GSTCD: variants seen among roughly 807,000 people sequenced by gnomAD.
The protein encoded by GSTCD is glutathione S-transferase C-terminal domain-containing protein.
GSTCD carries 44 observed loss-of-function variants against 68.3 expected under a neutral mutation model. The ratio of observed to expected loss-of-function variants is 0.64; its 90% confidence interval spans 0.51 to 0.83. GSTCD has a LOEUF of 0.83. GSTCD is among the 40% of genes least tolerant of loss of function. The probability of loss-of-function intolerance (pLI) is 0.00; values close to 1 mark genes in which losing one functional copy is unlikely to be tolerated. For synonymous variants in GSTCD, 273 were observed against 255.2 expected, an observed-to-expected ratio of 1.07 and a Z score of -0.67; for missense variants, 739 against 735.9, an observed-to-expected ratio of 1.00 and a Z score of -0.05.
At chr4:105,792,427 A>G (rs768587358) in intron 5 of GSTCD, among the ~76,000 whole-genome samples, 3 of 152,098 alleles carry the variant, frequency 2.0e-5, no homozygotes, top group Non-Finnish European at 4.4e-5. Context: ...GGGAGGAAGA[A>G]AAACAAGCCA....
intron 10 of GSTCD, among the ~76,000 whole-genome samples, chr4:105,839,164 A>G (rs555984273): frequency 3.3e-5 from 5 of 152,184 alleles, no homozygotes; most frequent in African/African-American, 1.2e-4. Context: ...TTTAGTGTTC[A>G]TGCTTTCAGC....
intron 5 of GSTCD, among the ~76,000 whole-genome samples, chr4:105,773,980 G>T (rs1390129498): frequency 6.6e-6 from 1 of 152,196 alleles, no homozygotes; most frequent in Non-Finnish European, 1.5e-5. Flanking sequence ...CTATTATTGT[G>T]TGGGAGTCTC....
intron 5 of GSTCD, chr4:105,821,258 A>C (rs1254709899): frequency 6.6e-6 from 1 of 151,916 alleles, no homozygotes; most frequent in African/African-American, 2.4e-5. Context: ...AAGTATGATA[A>C]ATCAAGTATA....
chr4:105,758,362 G>T (rs1734273620), intron 5 of GSTCD, among the ~76,000 whole-genome samples: 1 of 152,162 alleles, frequency 6.6e-6, no homozygotes, highest in African/African-American at 2.4e-5. Context: ...GGGGCCTGGT[G>T]GGAGGCGTTT....
At chr4:105,779,154 G>GT (rs1330863938) in intron 5 of GSTCD, among the ~76,000 whole-genome samples, 3 of 152,042 alleles carry the variant, frequency 2.0e-5, no homozygotes, top group African/African-American at 4.8e-5. Flanking sequence ...CCATATTTAT[G>GT]TTTTACATGT....
chr4:105,782,115 A>G, intron 5 of GSTCD, among the ~76,000 whole-genome samples: 1 of 152,196 alleles, frequency 6.6e-6, no homozygotes, highest in East Asian at 1.9e-4. Flanking sequence ...AAACTAAGCA[A>G]TGTTCTGGTT....
intron 5 of GSTCD, among the ~76,000 whole-genome samples, chr4:105,732,786 A>T (rs904706775): frequency 6.6e-6 from 1 of 151,858 alleles, no homozygotes; most frequent in African/African-American, 2.4e-5. Flanking sequence ...TGATGTTAGG[A>T]TGTCAATTTT....
In GSTCD at chr4:105,726,175, A is replaced by G. The variant is rs1384063735; in HGVS notation, c.895-404A>G. Reference sequence around the variant, plus strand: ...AGTAAGCAAAATATAGTATATCCACACAATGACTACTAGTCATAATAAAAA... The same window carrying G: ...AGTAAGCAAAATATAGTATATCCACGCAATGACTACTAGTCATAATAAAAA... On this transcript the variant is annotated intron_variant, in intron 3 of 11. Transcript: ENST00000515279. Among the ~76,000 whole-genome samples, 4 of 152,218 alleles carry G rather than the reference A, an allele frequency of 2.6e-5. No individual in the cohort carries two copies. In the East Asian group the frequency reaches 7.7e-4, roughly 29 times the overall value.
chr4:105,816,005 T>G (rs559792191), intron 5 of GSTCD, among the ~76,000 whole-genome samples: 1 of 152,282 alleles, frequency 6.6e-6, no homozygotes, highest in African/African-American at 2.4e-5. Context: ...ATTAAATTTT[T>G]TTTTTCATCT....
chr4:105,733,067 T>C (rs1733312352), intron 5 of GSTCD, among the ~76,000 whole-genome samples: 1 of 152,214 alleles, frequency 6.6e-6, no homozygotes, highest in Non-Finnish European at 1.5e-5. Flanking sequence ...TTGTTATAAT[T>C]TCTGTTCTTT....
chr4:105,716,254 C>T (rs74340800), intron 1 of GSTCD, among the ~76,000 whole-genome samples: 1,556 of 151,912 alleles, frequency 0.01, 32 homozygotes, highest in African/African-American at 0.035. Flanking sequence ...TTTCAGGGAG[C>T]GTGGGGATTG....
chr4:105,749,328 T>G (rs920779670), intron 5 of GSTCD, among the ~76,000 whole-genome samples: 2 of 151,978 alleles, frequency 1.3e-5, no homozygotes, highest in East Asian at 3.9e-4. Flanking sequence ...AAGTACAACA[T>G]AGTTTTTATC....
At chr4:105,746,538 A>T (rs1341039467) in intron 5 of GSTCD, 2 of 152,210 alleles carry the variant, frequency 1.3e-5, no homozygotes, top group African/African-American at 4.8e-5. Flanking sequence ...ATAATAATTT[A>T]TGAAATCTTA....
At chr4:105,783,717 A>G (rs1735364854) in intron 5 of GSTCD, among the ~76,000 whole-genome samples, 1 of 152,196 alleles carries the variant, frequency 6.6e-6, no homozygotes, top group South Asian at 2.1e-4. Context: ...ATACAATGTT[A>G]CTATCTCCAT....
At chr4:105,756,492 A>C (rs1734195129) in intron 5 of GSTCD, among the ~76,000 whole-genome samples, 1 of 61,140 alleles carries the variant, frequency 1.6e-5, no homozygotes, top group Non-Finnish European at 3.7e-5. Context: ...AGACCTATGC[A>C]CATACACACA....
chr4:105,767,350 T>C (rs1734657214), intron 5 of GSTCD, among the ~76,000 whole-genome samples: 1 of 152,180 alleles, frequency 6.6e-6, no homozygotes, highest in South Asian at 2.1e-4. Context: ...AGGTCAAACA[T>C]AAAATATGTA....
intron 5 of GSTCD, among the ~76,000 whole-genome samples, chr4:105,799,982 G>A (rs528697800): frequency 6.6e-6 from 1 of 152,278 alleles, no homozygotes; most frequent in East Asian, 1.9e-4. Context: ...AGGGTGTAGG[G>A]TAAAAGGAGG....
intron 5 of GSTCD, among the ~76,000 whole-genome samples, chr4:105,809,003 G>A (rs915152930): frequency 6.6e-6 from 1 of 152,018 alleles, no homozygotes; most frequent in Non-Finnish European, 1.5e-5. Flanking sequence ...TGACAGTTTG[G>A]ATATGCCGAA....
intron 5 of GSTCD, among the ~76,000 whole-genome samples, chr4:105,786,358 A>C (rs1578473787): frequency 6.6e-6 from 1 of 151,956 alleles, no homozygotes; most frequent in African/African-American, 2.4e-5. Context: ...TAAAAGTACA[A>C]AAAATTAGCC....
Sources: allele counts gnomAD v4.1 joint callset (sites outside exome capture counted in the v4.1 genomes callset), GRCh38; gene constraint gnomAD v4.1.1; transcripts MANE v1.5; gene names NCBI Gene and HGNC (gene_info 2026-07-23, HGNC 2026-07-21).